XK: variants seen among roughly 807,000 people sequenced by gnomAD.
The protein encoded by XK is endoplasmic reticulum membrane adapter protein XK.
XK carries 2 observed loss-of-function variants against 14.0 expected under a neutral mutation model. The ratio of observed to expected loss-of-function variants is 0.14; its 90% CI spans 0.06 to 0.45. The LOEUF is 0.45. XK is among the 20% of genes least tolerant of loss of function. XK has a pLI of 0.98. For missense variants in XK, 235 were observed against 341.5 expected (o/e 0.69, Z 2.46); for synonymous variants, 149 against 147.5 (o/e 1.01, Z -0.08).
Position 37,686,096 on chromosome X carries a change from A to G in XK, c.135A>G (p.Leu45=), listed in dbSNP as rs1361546811. The change falls in exon 1 of 3, where the codon CTA becomes CTG. Residue 45 remains leucine (L), a synonymous_variant. Transcript: ENST00000378616. Reference sequence around the variant, plus strand: ...AGGCGCTGACGTTGCTTTTCTCGCTACTGCCTTGCGCGCTCGTGCAGCTCA... The same window carrying G: ...AGGCGCTGACGTTGCTTTTCTCGCTGCTGCCTTGCGCGCTCGTGCAGCTCA... ...MWQALTLLFS[L]LPCALVQLTL... The G allele has an allele frequency of 4.1e-6, 5 of 1,210,806 alleles. No homozygotes were observed. The highest frequency in any genetic ancestry group is 5.6e-6 in the Non-Finnish European group (5 of 895,331).
At chrX:37,700,371 T>G (rs976237024) in intron 2 of XK, among the ~76,000 whole-genome samples, 4 of 111,462 alleles carry the variant, frequency 3.6e-5, no homozygotes, top group Non-Finnish European at 7.5e-5. Flanking sequence ...CCTCAAAAAT[T>G]CCCATAGATG....
At chrX:37,711,886 G>T (rs1556446800) in intron 2 of XK, among the ~76,000 whole-genome samples, 2 of 111,622 alleles carry the variant, frequency 1.8e-5, no homozygotes, top group Non-Finnish European at 3.8e-5. Flanking sequence ...GCAAGAGAAT[G>T]AATGAAGTTT....
At chrX:37,719,171 A>G (rs782821032) in intron 2 of XK, among the ~76,000 whole-genome samples, 1 of 111,330 alleles carries the variant, frequency 9.0e-6, no homozygotes, top group African/African-American at 3.3e-5. Context: ...ATTTCTGTTG[A>G]GATGCTACTG....
At chrX:37,700,064 C>T (rs1479987115) in intron 2 of XK, among the ~76,000 whole-genome samples, 5 of 111,839 alleles carry the variant, frequency 4.5e-5, no homozygotes, top group African/African-American at 9.7e-5. Flanking sequence ...GCCACATGGA[C>T]GGCTTTCTGC....
rs1173206736 is a variant in XK, at chrX:37,729,002, T to A, written c.*540T>A. On this transcript the variant is annotated 3_prime_UTR_variant, in exon 3 of 3. Coordinates refer to ENST00000378616, the MANE Select transcript of XK (RefSeq NM_021083.4). The stretch of plus-strand genomic sequence containing the variant: ...GACAGAGGTTTCATTTTCATCTCAT[T>A]AGGGCTTTTTTGTACATAGCCAACT... The A allele has an allele frequency of 8.7e-6, 1 of 115,489 alleles. No individual in the cohort carries two copies. Among genetic ancestry groups the A allele is most frequent in the Non-Finnish European group, 1.8e-5 (1 of 55,309 alleles). The allele number at this position is 115,489 out of a possible 1,213,427, so 9.5% of individuals were successfully genotyped here. A position where few individuals can be genotyped will look rare whatever the true frequency, so the allele number is the denominator to read the frequency against.
At chrX:37,691,334 C>G (rs1199801147) in intron 1 of XK, among the ~76,000 whole-genome samples, 1 of 112,611 alleles carries the variant, frequency 8.9e-6, no homozygotes, top group Admixed American at 9.4e-5. Flanking sequence ...TTTTATTATG[C>G]AAGTAAAACA....
intron 2 of XK, among the ~76,000 whole-genome samples, chrX:37,699,776 C>T (rs1401600785): frequency 9.0e-6 from 1 of 111,709 alleles, no homozygotes; most frequent in African/African-American, 3.3e-5. Context: ...TGAGCAGGTT[C>T]CTGTCAGAAA....
At chrX:37,727,146 G>C (rs1281576466) in intron 2 of XK, among the ~76,000 whole-genome samples, 1 of 111,429 alleles carries the variant, frequency 9.0e-6, no homozygotes, top group Non-Finnish European at 1.9e-5. Flanking sequence ...AAGAATTTGA[G>C]TGCATATATC....
chrX:37,688,742 G>A (rs1379548453), intron 1 of XK, among the ~76,000 whole-genome samples: 1 of 111,492 alleles, frequency 9.0e-6, no homozygotes, highest in Non-Finnish European at 1.9e-5. Flanking sequence ...CATTTAAAGT[G>A]TTTCTAAACA....
chrX:37,691,564 G>A (rs1282228357), intron 1 of XK, among the ~76,000 whole-genome samples: 1 of 111,962 alleles, frequency 8.9e-6, no homozygotes, highest in African/African-American at 3.2e-5. Flanking sequence ...GATTGATCAA[G>A]CTACCAGTTG....
intron 1 of XK, among the ~76,000 whole-genome samples, chrX:37,689,489 T>A (rs1927164131): frequency 8.9e-6 from 1 of 112,279 alleles, no homozygotes; most frequent in Admixed American, 9.5e-5. Context: ...TTCTTGCCTT[T>A]GGATGAGTAC....
At chrX:37,698,897 A>G (rs1368987412) in intron 2 of XK, among the ~76,000 whole-genome samples, 1 of 112,447 alleles carries the variant, frequency 8.9e-6, no homozygotes, top group Admixed American at 9.4e-5. Flanking sequence ...TCCAAAACTT[A>G]GATTTAAACT....
chrX:37,712,545 G>C (rs1328451167), intron 2 of XK, among the ~76,000 whole-genome samples: 1 of 112,137 alleles, frequency 8.9e-6, no homozygotes, highest in Non-Finnish European at 1.9e-5. Context: ...AAATACACTG[G>C]AATATCAATT....
At chrX:37,688,810 G>A (rs1927147497) in intron 1 of XK, among the ~76,000 whole-genome samples, 1 of 111,757 alleles carries the variant, frequency 8.9e-6, no homozygotes, top group Non-Finnish European at 1.9e-5. Context: ...AGGATGACAA[G>A]TATAAACCTG....
At chrX:37,691,646 A>G (rs1556441358) in intron 1 of XK, among the ~76,000 whole-genome samples, 1 of 112,361 alleles carries the variant, frequency 8.9e-6, no homozygotes, top group East Asian at 2.8e-4. Context: ...CAGCTCAAAC[A>G]TTTCACTGTT....
At chrX:37,688,931 C>T (rs944744838) in intron 1 of XK, among the ~76,000 whole-genome samples, 1 of 111,626 alleles carries the variant, frequency 9.0e-6, no homozygotes, top group Admixed American at 9.5e-5. Context: ...CAATTATCTA[C>T]TTTTCTATAT....
chrX:37,727,226 GAGACAACTATT>G, intron 2 of XK, among the ~76,000 whole-genome samples: 1 of 111,454 alleles, frequency 9.0e-6, no homozygotes, highest in East Asian at 2.8e-4. Flanking sequence ...CCAATAAAGG[GAGACAACTATT>G]AGACAACTAT....
chrX:37,693,722 G>T (rs1485557222), intron 1 of XK, among the ~76,000 whole-genome samples: 1 of 111,814 alleles, frequency 8.9e-6, no homozygotes, highest in Non-Finnish European at 1.9e-5. Context: ...TAGATGGCAA[G>T]CTGCCCTGTG....
chrX:37,691,753 A>G (rs1240082547), intron 1 of XK, among the ~76,000 whole-genome samples: 5 of 112,177 alleles, frequency 4.5e-5, no homozygotes, highest in African/African-American at 1.6e-4. Flanking sequence ...ATATGATTCT[A>G]TTGTAATTTG....
Sources: allele counts gnomAD v4.1 joint callset (sites outside exome capture counted in the v4.1 genomes callset), GRCh38; gene constraint gnomAD v4.1.1; transcripts MANE v1.5; gene names NCBI Gene and HGNC (gene_info 2026-07-23, HGNC 2026-07-21).